The following GPC3 variants were observed in gnomAD, a reference collection of about 807,000 sequenced individuals.
GPC3 encodes the protein glypican 3, also known as glypican-3.
In GPC3, 3 loss-of-function variants were observed where a neutral mutation model predicts 34.4. That is an observed-to-expected ratio of 0.09 (90% CI 0.04 to 0.23). GPC3 has a LOEUF of 0.23. Ranked by LOEUF, GPC3 falls within the 10% of genes least tolerant of loss-of-function variation. The pLI is 1.00. For synonymous variants in GPC3, 177 were observed against 174.0 expected (o/e 1.02, Z -0.13); for missense variants, 351 against 445.6 (o/e 0.79, Z 1.91).
At chrX:133,925,515 C>T (rs1419717465) in intron 2 of GPC3, among the ~76,000 whole-genome samples, 3 of 111,949 alleles carry the variant, frequency 2.7e-5, no homozygotes, top group African/African-American at 9.8e-5. Flanking sequence ...GGTGTGATGG[C>T]ATAAATGATG....
intron 7 of GPC3, 76 bp from the exon 8 acceptor site, chrX:133,536,369 A>G: frequency 1.3e-6 from 1 of 744,358 alleles, no homozygotes; most frequent in South Asian, 2.1e-5. Context: ...CAGCTCGAGC[A>G]TGTGTCTGGA....
Position 133,863,648 on chromosome X carries a change from C to CTTTTT in GPC3, c.337+89397_337+89401dup, listed in dbSNP as rs1165193952. 1.4e-4 allele frequency among the ~76,000 whole-genome samples: 10 copies of CTTTTT among 72,883 alleles called. 1 individual carries two copies. The highest frequency in any genetic ancestry group is 7.5e-4 in the African/African-American group (9 of 11,975). 63.3% of individuals were successfully genotyped at this position (72,883 alleles called of 115,157 possible). A position where few individuals can be genotyped will look rare whatever the true frequency, so the allele number is the denominator to read the frequency against. ...ACCCCTAGTTAACATAAAAATATTC[C>CTTTTT]TTTTTTTTTTTTTTTTTTGAGACGG... On this transcript the variant is annotated intron_variant, in intron 2 of 7. Transcript: ENST00000370818.
Position 133,692,376 on chromosome X carries a change from C to A in GPC3, c.1285G>T (p.Val429Leu). The A allele has an allele frequency of 8.3e-7, 1 of 1,211,318 alleles. No homozygotes were observed. The change falls in exon 5 of 8, where the codon GTG becomes TTG. Residue 429 changes from valine to leucine, a missense_variant. Physicochemically the swap from Val to Leu is conservative, Grantham distance 32. Coordinates refer to ENST00000370818, the MANE Select transcript of GPC3 (RefSeq NM_004484.4). The part of the protein sequence containing the change: ...DTLCWNGQEL[V>L]ERYSQKAARN... Reference sequence around the variant, plus strand: ...ACTTTCAAAAAAGATCACCTCTCCACGAGTTCTTGTCCATTCCAGCAAAGG... The same window carrying A: ...ACTTTCAAAAAAGATCACCTCTCCAAGAGTTCTTGTCCATTCCAGCAAAGG...
chrX:133,683,999 T>C (rs1309443194), intron 5 of GPC3, among the ~76,000 whole-genome samples: 1 of 112,373 alleles, frequency 8.9e-6, no homozygotes, highest in Non-Finnish European at 1.9e-5. Flanking sequence ...CTGCCATAAA[T>C]ATTTCATGCT....
intron 5 of GPC3, among the ~76,000 whole-genome samples, chrX:133,663,782 G>C (rs892579573): frequency 7.2e-5 from 8 of 111,630 alleles, no homozygotes; most frequent in African/African-American, 2.6e-4. Context: ...AACTAAAATA[G>C]GGAGTGAATG....
At chrX:133,855,942 T>C (rs867384646) in intron 2 of GPC3, among the ~76,000 whole-genome samples, 49 of 112,053 alleles carry the variant, frequency 4.4e-4, no homozygotes, top group African/African-American at 1.5e-3. Flanking sequence ...CTGTGGCAAA[T>C]GGCAGGATCC....
At chrX:133,692,650 G>GT (rs1398040141) in intron 4 of GPC3, among the ~76,000 whole-genome samples, 156 bp from the exon 5 acceptor site, 5 of 111,732 alleles carry the variant, frequency 4.5e-5, no homozygotes, top group East Asian at 2.8e-4. Context: ...CCACAGTTTA[G>GT]TTTTTTTTTA....
chrX:133,739,716 C>CAAAACAAAAA (rs1207862643), intron 3 of GPC3, among the ~76,000 whole-genome samples: 64 of 109,088 alleles, frequency 5.9e-4, no homozygotes, highest in African/African-American at 2.0e-3. Context: ...CAAAACAAAA[C>CAAAACAAAAA]AAAACAAAAA....
chrX:133,650,466 CA>C (rs2070591100), intron 6 of GPC3, among the ~76,000 whole-genome samples: 2 of 109,415 alleles, frequency 1.8e-5, no homozygotes, highest in Admixed American at 2.0e-4. Context: ...CCCACACACA[CA>C]CACACACACA....
intron 7 of GPC3, among the ~76,000 whole-genome samples, chrX:133,585,239 T>A (rs1373635378): frequency 8.9e-6 from 1 of 112,064 alleles, no homozygotes; most frequent in Non-Finnish European, 1.9e-5. Context: ...ACTGTCTGAA[T>A]TGGAGAGATT....
chrX:133,860,682 C>T (rs1242940672), intron 2 of GPC3, among the ~76,000 whole-genome samples: 1 of 111,967 alleles, frequency 8.9e-6, no homozygotes, highest in African/African-American at 3.2e-5. Context: ...ATGATTCTAA[C>T]TCAAATCTCT....
At chrX:133,809,762 T>C (rs983352134) in intron 2 of GPC3, among the ~76,000 whole-genome samples, 1 of 111,984 alleles carries the variant, frequency 8.9e-6, no homozygotes. Context: ...CATCCATATT[T>C]CCATTAGGAT....
At chrX:133,919,594 G>T (rs768537884) in intron 2 of GPC3, among the ~76,000 whole-genome samples, 18 of 110,972 alleles carry the variant, frequency 1.6e-4, no homozygotes, top group Non-Finnish European at 2.5e-4. Context: ...GGTTAAGGTG[G>T]GAGGATTGCC....
chrX:133,969,810 G>A (rs757556259), intron 1 of GPC3, among the ~76,000 whole-genome samples: 6 of 111,048 alleles, frequency 5.4e-5, no homozygotes, highest in African/African-American at 1.6e-4. Flanking sequence ...AAATATCCTC[G>A]CCTCCATCAT....
At chrX:133,857,142 C>A (rs189965808) in intron 2 of GPC3, among the ~76,000 whole-genome samples, 1 of 111,243 alleles carries the variant, frequency 9.0e-6, no homozygotes, top group Non-Finnish European at 1.9e-5. Context: ...TTCTATCTAC[C>A]CCTCTCCACC....
chrX:133,923,207 T>A (rs5977930), intron 2 of GPC3, among the ~76,000 whole-genome samples: 1,682 of 111,585 alleles, frequency 0.015, 30 homozygotes, highest in African/African-American at 0.052. Flanking sequence ...TTTAATCTCC[T>A]TTTAGGAAAC....
At chrX:133,849,576 G>T (rs755804830) in intron 2 of GPC3, among the ~76,000 whole-genome samples, 4 of 110,130 alleles carry the variant, frequency 3.6e-5, no homozygotes, top group African/African-American at 1.3e-4. Flanking sequence ...GCTTCCCTTC[G>T]ACCACTTTCA....
intron 2 of GPC3, among the ~76,000 whole-genome samples, chrX:133,774,691 G>A (rs2071959152): frequency 1.8e-5 from 2 of 111,516 alleles, no homozygotes; most frequent in African/African-American, 6.5e-5. Flanking sequence ...TTCTCACAAT[G>A]GCTCTATATG....
At chrX:133,717,598 A>G (rs764511658) in intron 3 of GPC3, among the ~76,000 whole-genome samples, 22 of 110,657 alleles carry the variant, frequency 2.0e-4, no homozygotes, top group Admixed American at 3.9e-4. Flanking sequence ...AATCAATCAC[A>G]ACCCTCTCAC....
Sources: allele counts gnomAD v4.1 joint callset (sites outside exome capture counted in the v4.1 genomes callset), GRCh38; gene constraint gnomAD v4.1.1; transcripts MANE v1.5; gene names NCBI Gene and HGNC (gene_info 2026-07-23, HGNC 2026-07-21).